SRP14: variants seen among roughly 807,000 people sequenced by gnomAD.
SRP14 encodes the protein signal recognition particle 14 kDa protein.
A neutral mutation model predicts 16.0 loss-of-function variants in SRP14; 1 was observed. That is an observed-to-expected ratio of 0.06 (90% CI 0.02 to 0.30). The LOEUF is 0.30. Among genes scored for constraint, SRP14 ranks in the 10% least tolerant of loss-of-function variants. SRP14 has a pLI of 1.00. For missense variants in SRP14, 120 were observed against 163.1 expected (o/e 0.74, Z 1.44); for synonymous variants, 67 against 60.1 (o/e 1.12, Z -0.53).
At position 40,036,014 on chromosome 15, in the gene SRP14, G is replaced by A. The variant is rs929159085; in HGVS notation, c.*319C>T. ...GTTATTGCCAGAACTATTAAAATGGGTTGGGAAAGGAATAAAGAGACAGTG... is the reference window on the plus strand; with the variant it reads ...GTTATTGCCAGAACTATTAAAATGGATTGGGAAAGGAATAAAGAGACAGTG... On this transcript the variant is annotated 3_prime_UTR_variant, in exon 5 of 5. Coordinates refer to ENST00000267884, the MANE Select transcript of SRP14 (RefSeq NM_003134.6). The A allele has an allele frequency of 6.0e-6, 2 of 333,724 alleles. No homozygotes were observed. The highest frequency in any genetic ancestry group is 2.1e-5 in the African/African-American group (1 of 47,604). 20.7% of individuals were successfully genotyped at this position (333,724 alleles called of 1,614,324 possible).
At chr15:40,037,950 G>C (rs1295125316) in intron 3 of SRP14, among the ~76,000 whole-genome samples, 1 of 152,168 alleles carries the variant, frequency 6.6e-6, no homozygotes, top group African/African-American at 2.4e-5. Context: ...GCATCACCTG[G>C]TACCAAGAAA....
At chr15:40,037,279 G>GTAAAAAAAAAAAAAAAA in intron 3 of SRP14, 1 of 740,792 alleles carries the variant, frequency 1.3e-6, no homozygotes, top group Non-Finnish European at 1.7e-6. Flanking sequence ...TCCTTTTGGG[G>GTAAAAAAAAAAAAAAAA]AAAAAAAAAA....
At chr15:40,038,494 C>T in intron 2 of SRP14, 100 bp from the exon 3 acceptor site, 1 of 763,134 alleles carries the variant, frequency 1.3e-6, no homozygotes, top group South Asian at 1.5e-5. Flanking sequence ...TGACCTAACC[C>T]AGCCCCGCTG....
At chr15:40,037,066 T>A (rs1408865188) in intron 3 of SRP14, 48 bp from the exon 4 acceptor site, 2 of 1,593,414 alleles carry the variant, frequency 1.3e-6, no homozygotes, top group Admixed American at 3.4e-5. Flanking sequence ...CATATAAGCA[T>A]CCTCTTCTCC....
chr15:40,037,085 T>C (rs1349183467), intron 3 of SRP14, 67 bp from the exon 4 acceptor site: 1 of 1,552,310 alleles, frequency 6.4e-7, no homozygotes, highest in Non-Finnish European at 8.8e-7. Context: ...CCACCCCAGA[T>C]AGTATCTCAA....
chr15:40,038,438 G>T, intron 2 of SRP14, 44 bp from the exon 3 acceptor site: 2 of 1,339,742 alleles, frequency 1.5e-6, no homozygotes, highest in Non-Finnish European at 1.1e-6. Flanking sequence ...CGCGTACGTG[G>T]CTGAGCGGCA....
intron 3 of SRP14, 125 bp from the exon 4 acceptor site, chr15:40,037,143 C>T: frequency 3.1e-6 from 4 of 1,286,180 alleles, no homozygotes; most frequent in Non-Finnish European, 4.2e-6. Context: ...TTCTCCCCAA[C>T]TTCAGGGTTC....
chr15:40,036,974 C>A lies in SRP14; in HGVS notation c.243+12G>T, dbSNP rs1412899158. On this transcript the variant is annotated intron_variant, in intron 4 of 4. Coordinates refer to ENST00000267884, the MANE Select transcript of SRP14 (RefSeq NM_003134.6). ...CCTGAGAAGGGAAACATAAGGAACACCCAAAACTCACCATCTGAAACTTAT... is the reference window on the plus strand; with the variant it reads ...CCTGAGAAGGGAAACATAAGGAACAACCAAAACTCACCATCTGAAACTTAT... 2 of 1,613,958 alleles carry A rather than the reference C, an allele frequency of 1.2e-6. No individual in the cohort carries two copies. Among genetic ancestry groups the A allele is most frequent in the South Asian group, 2.2e-5 (2 of 91,072 alleles).
chr15:40,037,615 C>CGCGGGAGACTTCCAA (rs1567014648), intron 3 of SRP14, among the ~76,000 whole-genome samples: 4 of 96,468 alleles, frequency 4.1e-5, no homozygotes, highest in East Asian at 2.1e-4. Context: ...GATAACTTGT[C>CGCGGGAGACTTCCAA]CTTAGGTTTT....
At chr15:40,038,509 A>G (rs2140957423) in intron 2 of SRP14, 115 bp from the exon 3 acceptor site, 1 of 720,286 alleles carries the variant, frequency 1.4e-6, no homozygotes, top group Non-Finnish European at 2.4e-6. Flanking sequence ...CCGCTGCTCT[A>G]GTTTTGTTAA....
At chr15:40,039,002 G>A (rs542036749) in intron 1 of SRP14, 54 bp from the exon 2 acceptor site, 32 of 1,604,704 alleles carry the variant, frequency 2.0e-5, no homozygotes, top group Non-Finnish European at 2.6e-5. Flanking sequence ...TCGTCCTGCC[G>A]CGTCAAGGCC....
At chr15:40,037,759 T>C (rs775200707) in intron 3 of SRP14, among the ~76,000 whole-genome samples, 4 of 152,206 alleles carry the variant, frequency 2.6e-5, no homozygotes, top group Non-Finnish European at 5.9e-5. Flanking sequence ...CCTACACTAA[T>C]GTGATTTCTG....
At chr15:40,037,348 C>G (rs2035643093) in intron 3 of SRP14, 2 of 1,301,070 alleles carry the variant, frequency 1.5e-6, no homozygotes, top group East Asian at 9.5e-5. Context: ...GGGTTTTCTC[C>G]CTGGGTTCTG....
chr15:40,039,196 T>C, upstream of SRP14: 1 of 1,512,752 alleles, frequency 6.6e-7, no homozygotes, highest in Non-Finnish European at 8.9e-7. Context: ...TGGGCGGGAC[T>C]TCCGCTACTA....
At chr15:40,037,587 C>G in intron 3 of SRP14, among the ~76,000 whole-genome samples, 2 of 143,386 alleles carry the variant, frequency 1.4e-5, no homozygotes, top group Non-Finnish European at 3.1e-5. Context: ...GCTTGTTTTA[C>G]TGTAGAAGTC....
chr15:40,039,070 C>A (rs2035678703), intron 1 of SRP14, 23 bp downstream of exon 1: 1 of 1,608,404 alleles, frequency 6.2e-7, no homozygotes, highest in African/African-American at 1.3e-5. Context: ...CCCCTTCCCT[C>A]GGCCGGCCAG....
chr15:40,038,783 G>A (rs557700724), intron 2 of SRP14, 93 bp downstream of exon 2: 25 of 1,366,906 alleles, frequency 1.8e-5, no homozygotes, highest in Admixed American at 3.7e-5. Flanking sequence ...GGGAAAGGTA[G>A]AGGAAGGCGG....
Position 40,039,153 on chromosome 15 carries a change from C to G in SRP14, c.-37G>C, listed in dbSNP as rs1027955897. 6.2e-7 allele frequency: 1 copy of G among 1,601,374 alleles called. No individual in the cohort carries two copies. Among genetic ancestry groups the G allele is most frequent in the South Asian group, 1.1e-5 (1 of 89,218 alleles). ...TGGCTCGACTCCCTCCGCTTAAGCCCCTAGCAGTGAGAGCCGGAAGTTCGG... is the reference window on the plus strand; with the variant it reads ...TGGCTCGACTCCCTCCGCTTAAGCCGCTAGCAGTGAGAGCCGGAAGTTCGG... On this transcript the variant is annotated 5_prime_UTR_variant, in exon 1 of 5. Transcript: ENST00000267884.
At position 40,038,323 on chromosome 15, in the gene SRP14, G is replaced by A. The variant is rs1407707502; in HGVS notation, c.169C>T (p.Leu57=). The change falls in exon 3 of 5, where the codon CTG becomes TTG. Residue 57 remains leucine (L), a synonymous_variant. Transcript: ENST00000267884. ...EGFEPADNKC[L]LRATDGKKKI... is the part of the protein sequence containing the mutation. ...TTCTTCCCATCGGTAGCTCTTAACA[G>A]ACACTTGTTGTCTGCGGGCTCAAAG... 1.9e-6 allele frequency: 3 copies of A among 1,614,122 alleles called. No homozygotes were observed. Among genetic ancestry groups the A allele is most frequent in the South Asian group, 2.2e-5 (2 of 91,082 alleles).
Sources: allele counts gnomAD v4.1 joint callset (sites outside exome capture counted in the v4.1 genomes callset), GRCh38; gene constraint gnomAD v4.1.1; transcripts MANE v1.5; gene names NCBI Gene and HGNC (gene_info 2026-07-23, HGNC 2026-07-21).